SLC38A3: variants seen among roughly 807,000 people sequenced by gnomAD.
SLC38A3 encodes solute carrier family 38 member 3.
Under a neutral mutation model 59.5 loss-of-function variants are expected in SLC38A3, and 17 were observed. The ratio of observed to expected loss-of-function variants is 0.29; its 90% CI spans 0.20 to 0.43. The LOEUF (loss-of-function observed/expected upper bound fraction) is 0.43. Ranked by LOEUF, SLC38A3 falls within the 20% of genes least tolerant of loss-of-function variation. The pLI, the probability that SLC38A3 is intolerant of heterozygous loss-of-function variation, is 1.00. For missense variants in SLC38A3, 454 were observed against 653.9 expected (o/e 0.69, Z 3.33); for synonymous variants, 238 against 260.3 (o/e 0.91, Z 0.82).
Position 50,220,260 on chromosome 3 carries a change from C to T in SLC38A3, c.*83C>T. On this transcript the variant is annotated 3_prime_UTR_variant, in exon 16 of 16. Transcript: ENST00000614032. ...CCCCTGCTCCCATCCAGTGGCCAGT[C>T]GGGGGAGGAGAAAGACGCGATTAAC... The T allele has an allele frequency of 1.1e-5, 11 of 1,045,546 alleles. No individual in the cohort carries two copies. The highest frequency in any genetic ancestry group is 1.4e-5 in the South Asian group (1 of 73,372). The allele number at this position is 1,045,546 out of a possible 1,614,324, so 64.8% of individuals were successfully genotyped here. A position where few individuals can be genotyped will look rare whatever the true frequency, so the allele number is the denominator to read the frequency against.
In SLC38A3 at chr3:50,215,835, TGGGGA is replaced by T. The variant is rs750385616; in HGVS notation, c.548+29_548+33del. On this transcript the variant is annotated intron_variant, in intron 7 of 15. Transcript: ENST00000614032. The surrounding 1 kb of genome is among the most constrained non-coding windows in gnomAD (Gnocchi z 7.1). The stretch of plus-strand genomic sequence containing the variant: ...GGAGAAAACCTCGTGAGCCCTGGCG[TGGGGA>T]GGGGAGGGGAGGGGTGCGGTGCAGT... 8.2e-5 allele frequency: 92 copies of T among 1,122,380 alleles called. No individual in the cohort carries two copies. The highest frequency in any genetic ancestry group is 7.9e-4 in the East Asian group (10 of 12,722). 69.5% of individuals were successfully genotyped at this position (1,122,380 alleles called of 1,614,324 possible). A position where few individuals can be genotyped will look rare whatever the true frequency, so the allele number is the denominator to read the frequency against.
chr3:50,219,971 C>T lies in SLC38A3; in HGVS notation c.1397C>T (p.Thr466Ile), dbSNP rs1361645450. ...MPTEKEPARSTPKILALCFAM... is the reference protein window; with the variant it reads ...MPTEKEPARSIPKILALCFAM... The stretch of plus-strand genomic sequence containing the variant: ...ACGGAGAAGGAGCCTGCAAGATCCA[C>T]CCCCAAAATCCTGGTGCGAGGGGCC... Residue 466 changes from threonine (T) to isoleucine (I), a missense_variant, in exon 15 of 16, where the codon ACC becomes ATC. Thr to Ile is a moderately conservative substitution (Grantham distance 89). Transcript: ENST00000614032. 1.2e-6 allele frequency: 2 copies of T among 1,612,204 alleles called. No individual in the cohort carries two copies. Among genetic ancestry groups the T allele is most frequent in the South Asian group, 2.2e-5 (2 of 90,590 alleles).
rs1699877744 is a variant in SLC38A3, at chr3:50,220,193, G to A, written c.*16G>A. The A allele has an allele frequency of 1.3e-6, 2 of 1,554,346 alleles. No homozygotes were observed. The highest frequency in any genetic ancestry group is 1.4e-5 in the African/African-American group (1 of 73,574). On this transcript the variant is annotated 3_prime_UTR_variant, in exon 16 of 16. Coordinates refer to ENST00000614032, the MANE Select transcript of SLC38A3 (RefSeq NM_006841.6). The stretch of plus-strand genomic sequence containing the variant: ...AAACCACTAGGGTGACCCTCATCCT[G>A]TTCTGTCTACTCACCCTAGCAGCCC...
chr3:50,215,681 C>T lies in SLC38A3; in HGVS notation c.466+45C>T. ...GCAGGCAGTAGGGAGGTGGACAGCC[C>T]TGAAAGCTGGCTGGTTGGGCTGACC... On this transcript the variant is annotated intron_variant, in intron 6 of 15. Transcript: ENST00000614032. The surrounding 1 kb of genome is among the most constrained non-coding windows in gnomAD (Gnocchi z 7.1). 1 of 1,611,404 alleles carries T rather than the reference C, an allele frequency of 6.2e-7. No homozygotes were observed. Among genetic ancestry groups the T allele is most frequent in the Non-Finnish European group, 8.5e-7 (1 of 1,178,252 alleles).
chr3:50,208,634 C>G (rs1005890280), intron 1 of SLC38A3, among the ~76,000 whole-genome samples: 1 of 152,226 alleles, frequency 6.6e-6, no homozygotes, highest in Non-Finnish European at 1.5e-5. Context: ...GGTGCTCACT[C>G]TGTTTCTCAC....
At chr3:50,208,262 T>TC (rs1491409825) in intron 1 of SLC38A3, among the ~76,000 whole-genome samples, 1 of 45,546 alleles carries the variant, frequency 2.2e-5, no homozygotes, top group Non-Finnish European at 4.2e-5. Flanking sequence ...GCTTTCTCTC[T>TC]TTTTTTTTTT....
intron 1 of SLC38A3, among the ~76,000 whole-genome samples, chr3:50,208,747 T>C (rs1699680657): frequency 6.6e-6 from 1 of 152,248 alleles, no homozygotes; most frequent in South Asian, 2.1e-4. Context: ...TCCCTCTGTG[T>C]GCATCTGCAT....
rs1437464837 is a variant in SLC38A3, at chr3:50,217,481, A to G, written c.690+8A>G. 6.2e-7 allele frequency: 1 copy of G among 1,612,036 alleles called. No individual in the cohort carries two copies. The highest frequency in any genetic ancestry group is 1.1e-5 in the South Asian group (1 of 90,744). On this transcript the variant is annotated splice_region_variant and intron_variant, in intron 9 of 15. Coordinates refer to ENST00000614032, the MANE Select transcript of SLC38A3 (RefSeq NM_006841.6). This position sits in a 1 kb window ranked among gnomAD's most constrained non-coding sequence, Gnocchi z 4.9. ...GTGTTCTTCCTAATTGCAGTGAGTC[A>G]CCCTCCATGTTGGCTGAGAAAGCGG...
chr3:50,218,654 C>A lies in SLC38A3; in HGVS notation c.1098C>A (p.Ile366=), dbSNP rs1222690706. 1.1e-5 allele frequency: 17 copies of A among 1,613,668 alleles called. No homozygotes were observed. The Admixed American group carries it at 2.8e-4, about 27-fold the overall frequency. ...YSKVDPFDVL[I]LCVRVAVLTA... is the part of the protein sequence containing the mutation. ...AGGTGGACCCGTTTGACGTCCTGAT[C>A]CTGTGTGTGCGCGTGGCCGTGCTGA... is the stretch of plus-strand genomic sequence containing the variant. Residue 366 remains isoleucine (I), a synonymous_variant, in exon 13 of 16, where the codon ATC becomes ATA. Transcript: ENST00000614032. The surrounding 1 kb of genome is among the most constrained non-coding windows in gnomAD (Gnocchi z 5.8).
rs1162378247 is a variant in SLC38A3 at position 50,218,391 on chromosome 3, A to G, written c.1036+21A>G. ...CTACAGTACGGTGGCACCGGTGGGC[A>G]GAGGCCTAGGCTAGGCTGGGGGGAA... On this transcript the variant is annotated intron_variant, in intron 12 of 15. Transcript: ENST00000614032. This position sits in a 1 kb window ranked among gnomAD's most constrained non-coding sequence, Gnocchi z 5.8. The G allele has an allele frequency of 6.3e-7, 1 of 1,576,622 alleles. No homozygotes were observed. The highest frequency in any genetic ancestry group is 1.1e-5 in the South Asian group (1 of 90,304).
chr3:50,211,172 C>T (rs912890678), intron 1 of SLC38A3, among the ~76,000 whole-genome samples: 6 of 152,328 alleles, frequency 3.9e-5, no homozygotes, highest in East Asian at 3.9e-4. Context: ...GAGTTTACCC[C>T]GATTCCGATT....
chr3:50,217,874 TG>T lies in SLC38A3; in HGVS notation c.855+35del. The T allele has an allele frequency of 6.2e-7, 1 of 1,613,872 alleles. No individual in the cohort carries two copies. The highest frequency in any genetic ancestry group is 1.1e-5 in the South Asian group (1 of 91,080). ...AGGTCAGGGCAAGGCGGGGGCCCAA[TG>T]AGAGTGGCAGACTGCCTTGACACAG... On this transcript the variant is annotated intron_variant, in intron 10 of 15. Transcript: ENST00000614032. This position sits in a 1 kb window ranked among gnomAD's most constrained non-coding sequence, Gnocchi z 4.9.
At chr3:50,209,352 A>G (rs1041274520) in intron 1 of SLC38A3, among the ~76,000 whole-genome samples, 1 of 152,154 alleles carries the variant, frequency 6.6e-6, no homozygotes, top group African/African-American at 2.4e-5. Context: ...TCTGTTAGAA[A>G]ACGTACCTGG....
In SLC38A3 at chr3:50,220,362, C is replaced by A. The variant is rs1396264885; in HGVS notation, c.*185C>A. On this transcript the variant is annotated 3_prime_UTR_variant, in exon 16 of 16. Transcript: ENST00000614032. ...AAGAGCCAGGACCAAGGCCCTTGGG[C>A]CACTACCCTGCTAGGCTCTGGAGCT... The A allele has an allele frequency of 3.3e-6, 2 of 599,056 alleles. No individual in the cohort carries two copies. Among genetic ancestry groups the A allele is most frequent in the East Asian group, 5.7e-5 (2 of 35,344 alleles). The allele number at this position is 599,056 out of a possible 1,614,324, so 37.1% of individuals were successfully genotyped here.
chr3:50,214,706 C>A lies in SLC38A3; in HGVS notation c.237C>A (p.Ile79=), dbSNP rs764252484. The A allele has an allele frequency of 6.2e-7, 1 of 1,613,260 alleles. No homozygotes were observed. Among genetic ancestry groups the A allele is most frequent in the Non-Finnish European group, 8.5e-7 (1 of 1,179,510 alleles). The part of the protein sequence containing the change: ...GMSVFNLSNA[I]MGSGILGLAY... ...CAGTGTTCAACCTCAGCAATGCCAT[C>A]ATGGGCAGCGGCATCCTGGGACTCG... Residue 79 remains isoleucine, a synonymous_variant, in exon 4 of 16, where the codon ATC becomes ATA. Transcript: ENST00000614032. The surrounding 1 kb of genome is among the most constrained non-coding windows in gnomAD (Gnocchi z 6.0).
In SLC38A3 at chr3:50,220,220, G is replaced by A. The variant is rs769280539; in HGVS notation, c.*43G>A. 1.6e-4 allele frequency: 230 copies of A among 1,454,640 alleles called. No homozygotes were observed. The highest frequency in any genetic ancestry group is 1.9e-4 in the Non-Finnish European group (206 of 1,061,118). The allele number at this position is 1,454,640 out of a possible 1,614,324, so 90.1% of individuals were successfully genotyped here. On this transcript the variant is annotated 3_prime_UTR_variant, in exon 16 of 16. Coordinates refer to ENST00000614032, the MANE Select transcript of SLC38A3 (RefSeq NM_006841.6). The stretch of plus-strand genomic sequence containing the variant: ...TCTGTCTACTCACCCTAGCAGCCCT[G>A]CCCAGACTCTTCAGCCCCTGCTCCC...
In SLC38A3 at chr3:50,217,287, A is replaced by G. The variant is rs1270449025; in HGVS notation, c.598A>G (p.Ile200Val). 4 of 1,613,674 alleles carry G rather than the reference A, an allele frequency of 2.5e-6. No homozygotes were observed. The highest frequency in any genetic ancestry group is 2.7e-5 in the African/African-American group (2 of 74,928). Residue 200 changes from isoleucine to valine, a missense_variant, in exon 8 of 16, where the codon ATC (isoleucine) becomes GTC (valine). Ile to Val is a conservative substitution (Grantham distance 29). This residue lies in a region of SLC38A3 where 390 missense variants were observed against 557.9 expected (regional missense o/e 0.70). Transcript: ENST00000614032. This position sits in a 1 kb window ranked among gnomAD's most constrained non-coding sequence, Gnocchi z 4.9. Reference sequence around the variant, plus strand: ...CCTGGTAATCCTTGTCTCTGTCACCATCATTCTGCCCCTGGCACTGATGCG... The same window carrying G: ...CCTGGTAATCCTTGTCTCTGTCACCGTCATTCTGCCCCTGGCACTGATGCG... The part of the protein sequence containing the change: ...NYLVILVSVT[I>V]ILPLALMRQL...
Position 50,217,807 on chromosome 3 carries a change from C to A in SLC38A3, c.822C>A (p.Phe274Leu). ...AGGTCGAGCCTGAGGCTTCAGCCTT[C>A]TGCACTCCCAGCTACTTCACGCTCA... ...QLQVEPEASA[F>L]CTPSYFTLNS... The change falls in exon 10 of 16, where the codon TTC becomes TTA. Residue 274 changes from phenylalanine (F) to leucine (L), a missense_variant. Transcript: ENST00000614032. This position sits in a 1 kb window ranked among gnomAD's most constrained non-coding sequence, Gnocchi z 4.9. 1 of 1,614,066 alleles carries A rather than the reference C, an allele frequency of 6.2e-7. No individual in the cohort carries two copies. The highest frequency in any genetic ancestry group is 8.5e-7 in the Non-Finnish European group (1 of 1,179,908).
At chr3:50,209,315 G>A (rs575548672) in intron 1 of SLC38A3, among the ~76,000 whole-genome samples, 2 of 152,290 alleles carry the variant, frequency 1.3e-5, no homozygotes, top group Non-Finnish European at 2.9e-5. Flanking sequence ...AGGCTGAGGT[G>A]CCTAAGGTTA....
Sources: gnomAD v4.1 joint callset for allele counts (sites outside exome capture counted in the v4.1 genomes callset) on GRCh38, gnomAD v4.1.1 for gene constraint, gnomAD v4.1.1 regional missense constraint, Gnocchi (gnomAD v3.1) non-coding constraint, MANE v1.5 for transcripts, NCBI Gene and HGNC (gene_info 2026-07-23, HGNC 2026-07-21) for gene names.